The following FAR2 variants were observed in gnomAD, a reference collection of about 807,000 sequenced individuals.
FAR2 encodes the protein epididymis secretory protein Li 81.
A neutral mutation model predicts 56.0 loss-of-function variants in FAR2; 19 were observed. That is an observed-to-expected ratio of 0.34 (90% CI 0.24 to 0.50). The LOEUF is 0.50. Ranked by LOEUF, FAR2 falls within the 20% of genes least tolerant of loss-of-function variation. The pLI is 0.98. For missense variants in FAR2, 508 were observed against 642.2 expected, an observed-to-expected ratio of 0.79 and a Z score of 2.26; for synonymous variants, 219 against 218.8, an observed-to-expected ratio of 1.00 and a Z score of -0.01.
At chr12:29,204,370 A>T (rs1451767587) in intron 1 of FAR2, among the ~76,000 whole-genome samples, 3 of 152,188 alleles carry the variant, frequency 2.0e-5, no homozygotes, top group African/African-American at 7.2e-5. Flanking sequence ...AACAATGCCA[A>T]ATTGCCATAG....
chr12:29,214,946 A>C (rs1487060744), intron 1 of FAR2, among the ~76,000 whole-genome samples: 2 of 152,198 alleles, frequency 1.3e-5, no homozygotes, highest in Non-Finnish European at 2.9e-5. Context: ...TGAGAAAGGC[A>C]TTCTTGAGAA....
At chr12:29,153,710 G>A (rs893933774) in intron 1 of FAR2, among the ~76,000 whole-genome samples, 2 of 152,194 alleles carry the variant, frequency 1.3e-5, no homozygotes, top group African/African-American at 4.8e-5. Context: ...GCGCAGGTGA[G>A]AGTACTGTCA....
intron 1 of FAR2, among the ~76,000 whole-genome samples, chr12:29,168,292 G>C (rs562277890): frequency 1.3e-5 from 2 of 152,294 alleles, no homozygotes; most frequent in East Asian, 3.9e-4. Context: ...GTGAGGGTAC[G>C]TGGGGGACCT....
chr12:29,228,545 G>A (rs1446821220), intron 1 of FAR2, among the ~76,000 whole-genome samples: 2 of 151,968 alleles, frequency 1.3e-5, no homozygotes, highest in Admixed American at 6.6e-5. Context: ...AAGTACAGAT[G>A]TCCCTTACTG....
chr12:29,228,730 G>A (rs183689130), intron 1 of FAR2, among the ~76,000 whole-genome samples: 39 of 152,278 alleles, frequency 2.6e-4, no homozygotes, highest in Admixed American at 1.4e-3. Flanking sequence ...TGGGACCACA[G>A]GTGCCCGCCA....
At chr12:29,272,845 T>C (rs912971480) in intron 2 of FAR2, among the ~76,000 whole-genome samples, 1 of 152,198 alleles carries the variant, frequency 6.6e-6, no homozygotes, top group Non-Finnish European at 1.5e-5. Flanking sequence ...GTTGTTGTTC[T>C]TGATGTTGTT....
intron 1 of FAR2, among the ~76,000 whole-genome samples, chr12:29,164,869 A>T (rs1027498306): frequency 1.3e-5 from 2 of 152,184 alleles, no homozygotes; most frequent in Non-Finnish European, 2.9e-5. Context: ...AATCACAGGG[A>T]CACAGTAGCA....
intron 4 of FAR2, among the ~76,000 whole-genome samples, chr12:29,300,298 G>A (rs1220949289): frequency 6.6e-6 from 1 of 151,990 alleles, no homozygotes; most frequent in South Asian, 2.1e-4. Flanking sequence ...AATGAAACCT[G>A]TATGTTAACT....
chr12:29,325,671 A>G lies in FAR2; in HGVS notation c.1257+3747A>G, dbSNP rs11531010. ...GACTACTGGGTACATAACGAAATGA[A>G]GGCAGAAATAAAGACATTCTTTGAA... On this transcript the variant is annotated intron_variant, in intron 10 of 11. Transcript: ENST00000536681. 3.3e-5 allele frequency among the ~76,000 whole-genome samples: 5 copies of G among 152,344 alleles called. No individual in the cohort carries two copies. The East Asian group carries it at 9.6e-4, about 29-fold the overall frequency.
chr12:29,262,050 A>G (rs1337449774), intron 1 of FAR2, among the ~76,000 whole-genome samples: 2 of 152,258 alleles, frequency 1.3e-5, no homozygotes. Context: ...TGTGTAAACT[A>G]CACTTAAGTA....
At chr12:29,157,105 T>TA (rs1471483360) in intron 1 of FAR2, 99 of 94,946 alleles carry the variant, frequency 1.0e-3, no homozygotes, top group Non-Finnish European at 1.4e-3. Context: ...CAAAGAACAT[T>TA]TTATATATAT....
intron 4 of FAR2, 33 bp from the exon 5 acceptor site, chr12:29,307,625 T>G (rs1949273051): frequency 3.2e-6 from 5 of 1,563,150 alleles, no homozygotes; most frequent in African/African-American, 1.4e-5. Context: ...GTCTAACATA[T>G]GTTACTAGAA....
chr12:29,179,932 C>A (rs569816016), intron 1 of FAR2, among the ~76,000 whole-genome samples: 9 of 152,066 alleles, frequency 5.9e-5, no homozygotes, highest in Non-Finnish European at 1.2e-4. Flanking sequence ...AGCAAACAAA[C>A]AAAAAAACCT....
At position 29,299,877 on chromosome 12, in the gene FAR2, C is replaced by T. The variant is rs1171052660; in HGVS notation, c.545+2677C>T. Among the ~76,000 whole-genome samples, 8 of 152,206 alleles carry T rather than the reference C, an allele frequency of 5.3e-5. No individual in the cohort carries two copies. In the South Asian group the frequency reaches 6.2e-4, roughly 12 times the overall value. Reference sequence around the variant, plus strand: ...TTACTCAGATATCAAGGCTCCCCAGCGAAGCTCTCTGGCTTAGGCACCCTT... The same window carrying T: ...TTACTCAGATATCAAGGCTCCCCAGTGAAGCTCTCTGGCTTAGGCACCCTT... On this transcript the variant is annotated intron_variant, in intron 4 of 11. Coordinates refer to ENST00000536681, the MANE Select transcript of FAR2 (RefSeq NM_001271783.2).
intron 1 of FAR2, among the ~76,000 whole-genome samples, chr12:29,234,684 C>T (rs1335630823): frequency 6.6e-6 from 1 of 152,102 alleles, no homozygotes; most frequent in Admixed American, 6.6e-5. Context: ...AAACTTATCC[C>T]TTTATGGTAT....
At chr12:29,184,359 C>T (rs1375795203) in intron 1 of FAR2, among the ~76,000 whole-genome samples, 1 of 148,136 alleles carries the variant, frequency 6.8e-6, no homozygotes, top group Non-Finnish European at 1.5e-5. Flanking sequence ...TACTTCCACT[C>T]TTTCACTGTG....
At chr12:29,182,073 G>T (rs186510377) in intron 1 of FAR2, among the ~76,000 whole-genome samples, 44 of 152,172 alleles carry the variant, frequency 2.9e-4, no homozygotes, top group Non-Finnish European at 6.0e-4. Context: ...GCCATCCTTG[G>T]GTACTAACAC....
At chr12:29,291,535 G>T in intron 2 of FAR2, 1 of 444,132 alleles carries the variant, frequency 2.3e-6, no homozygotes, top group South Asian at 1.6e-5. Context: ...CTCATCATTT[G>T]CATGCCTTAA....
At chr12:29,241,189 A>G (rs1591882154) in intron 1 of FAR2, among the ~76,000 whole-genome samples, 1 of 152,240 alleles carries the variant, frequency 6.6e-6, no homozygotes, top group African/African-American at 2.4e-5. Context: ...TGCTACACAT[A>G]TAATGTATGT....
Sources: gnomAD v4.1 joint callset for allele counts (sites outside exome capture counted in the v4.1 genomes callset) on GRCh38, gnomAD v4.1.1 for gene constraint, MANE v1.5 for transcripts, NCBI Gene and HGNC (gene_info 2026-07-23, HGNC 2026-07-21) for gene names.